Variants in DDC observed in about 807,000 individuals in gnomAD.
DDC encodes the protein dopa decarboxylase.
Under a neutral mutation model 60.0 loss-of-function variants are expected in DDC, and 43 were observed. The observed-to-expected ratio is 0.72, with a 90% CI of 0.56 to 0.92. The LOEUF is 0.92. DDC is among the 40% of genes least tolerant of loss of function. The probability of loss-of-function intolerance (pLI) is 0.00; values close to 1 mark genes in which losing one functional copy is unlikely to be tolerated. For synonymous variants in DDC, 232 were observed against 234.6 expected, an observed-to-expected ratio of 0.99 and a Z score of 0.10; for missense variants, 573 against 620.2, an observed-to-expected ratio of 0.92 and a Z score of 0.81.
At chr7:50,559,677 C>T (rs190758601) in intron 1 of DDC, among the ~76,000 whole-genome samples, 27 of 152,364 alleles carry the variant, frequency 1.8e-4, no homozygotes, top group Middle Eastern at 3.4e-3. Context: ...ATCCACTCGC[C>T]TCAGCCTCCC....
Position 50,479,861 on chromosome 7 carries a change from A to T in DDC, c.947T>A (p.Val316Glu), listed in dbSNP as rs188088947. 1 of 1,612,820 alleles carries T rather than the reference A, an allele frequency of 6.2e-7. No individual in the cohort carries two copies. Among genetic ancestry groups the T allele is most frequent in the Non-Finnish European group, 8.5e-7 (1 of 1,179,528 alleles). The change falls in exon 10 of 15, where the codon GTG (valine) becomes GAG (glutamate). Residue 316 changes from valine to glutamate, a missense_variant and splice_region_variant. Transcript: ENST00000444124. Reference sequence around the variant, plus strand: ...TCCCGTTAAGTCTGTTCTCTTTTTCACCCTGGTTTTAGAGAACAAATGAAA... The same window carrying T: ...TCCCGTTAAGTCTGTTCTCTTTTTCTCCCTGGTTTTAGAGAACAAATGAAA... ...LVNFDCSAMW[V>E]KKRTDLTGAF...
intron 6 of DDC, among the ~76,000 whole-genome samples, chr7:50,506,785 C>T (rs17553791): frequency 0.085 from 12,906 of 152,344 alleles, 728 homozygotes; most frequent in Non-Finnish European, 0.12. Context: ...CCTGCCCGGT[C>T]TATCAGGTGC....
intron 2 of DDC, among the ~76,000 whole-genome samples, chr7:50,540,820 C>T (rs1450221854): frequency 6.6e-6 from 1 of 152,170 alleles, no homozygotes; most frequent in Non-Finnish European, 1.5e-5. Flanking sequence ...AGGTGGTATA[C>T]TTGGGGACAG....
rs1472308655 is a variant in DDC at position 50,562,965 on chromosome 7, G to A, written c.-29+2320C>T. 4.6e-5 allele frequency among the ~76,000 whole-genome samples: 7 copies of A among 152,090 alleles called. No homozygotes were observed. The East Asian group carries it at 9.6e-4, about 21-fold the overall frequency. On this transcript the variant is annotated intron_variant, in intron 1 of 14. Transcript: ENST00000444124. ...GCACATCACCTGAGGTCAGGAGTTC[G>A]AGACCACCCTGGCCAGCATGATGAA...
intron 1 of DDC, among the ~76,000 whole-genome samples, chr7:50,560,626 G>A (rs2045322032): frequency 6.6e-6 from 1 of 152,104 alleles, no homozygotes; most frequent in Non-Finnish European, 1.5e-5. Flanking sequence ...CACCCATCGT[G>A]TGGCCTCCAC....
intron 4 of DDC, 152 bp from the exon 5 acceptor site, chr7:50,529,494 T>A: frequency 1.1e-6 from 1 of 926,182 alleles, no homozygotes; most frequent in Non-Finnish European, 1.7e-6. Context: ...AGGAGAAAAC[T>A]AATATTTTTG....
chr7:50,539,993 G>A lies in DDC; in HGVS notation c.237C>T (p.Tyr79=). 1 of 1,614,064 alleles carries A rather than the reference G, an allele frequency of 6.2e-7. No homozygotes were observed. Among genetic ancestry groups the A allele is most frequent in the Non-Finnish European group, 8.5e-7 (1 of 1,179,970 alleles). ...THWHSPYFFA[Y]FPTASSYPAM... is the part of the protein sequence containing the mutation. ...CCGGGTACGAGCTGGCAGTGGGGAA[G>A]TAGGCGAAGAAGTAGGGGCTGTGCC... is the stretch of plus-strand genomic sequence containing the variant. The change falls in exon 3 of 15, where the codon TAC becomes TAT. Residue 79 remains tyrosine (Y), a synonymous_variant. Transcript: ENST00000444124.
In DDC at chr7:50,485,136, A is replaced by G. The variant is rs73351241; in HGVS notation, c.945-5273T>C. Reference sequence around the variant, plus strand: ...TTGTGGCAAAATTTAACATTTTGGGAAAAAAAAACAGGCCATCTTTTAAAT... The same window carrying G: ...TTGTGGCAAAATTTAACATTTTGGGGAAAAAAAACAGGCCATCTTTTAAAT... On this transcript the variant is annotated intron_variant, in intron 9 of 14. Coordinates refer to ENST00000444124, the MANE Select transcript of DDC (RefSeq NM_001082971.2). Among the ~76,000 whole-genome samples the G allele has an allele frequency of 8.6e-3, 1,287 of 149,780 alleles. 24 individuals are homozygous for G. The highest frequency in any genetic ancestry group is 0.031 in the African/African-American group (1,233 of 39,944).
chr7:50,512,129 C>A (rs982799440), intron 6 of DDC, among the ~76,000 whole-genome samples: 3 of 152,100 alleles, frequency 2.0e-5, no homozygotes, highest in African/African-American at 7.2e-5. Context: ...CAAGACCCAA[C>A]TATATTTTCT....
intron 1 of DDC, among the ~76,000 whole-genome samples, chr7:50,560,178 A>G (rs1027233600): frequency 3.2e-4 from 49 of 152,280 alleles, no homozygotes; most frequent in Admixed American, 2.2e-3. Flanking sequence ...TGACAAACCA[A>G]CAGAGGACCA....
At chr7:50,563,884 G>A (rs996992379) in intron 1 of DDC, 1 of 152,326 alleles carries the variant, frequency 6.6e-6, no homozygotes, top group African/African-American at 2.4e-5. Flanking sequence ...TTACAGGCGT[G>A]AGCCACAGCA....
At chr7:50,462,873 G>A (rs912969344) in intron 14 of DDC, among the ~76,000 whole-genome samples, 7 of 149,454 alleles carry the variant, frequency 4.7e-5, no homozygotes, top group East Asian at 4.0e-4. Context: ...AGGTTCATGC[G>A]ATTCTCCTGC....
intron 11 of DDC, among the ~76,000 whole-genome samples, chr7:50,470,485 C>T (rs577103665): frequency 6.6e-5 from 10 of 152,344 alleles, no homozygotes; most frequent in Admixed American, 2.0e-4. Context: ...CCTAGGGTTC[C>T]GTGGTGAGCA....
At chr7:50,536,284 C>A (rs1295005244) in intron 4 of DDC, among the ~76,000 whole-genome samples, 2 of 152,228 alleles carry the variant, frequency 1.3e-5, no homozygotes, top group African/African-American at 4.8e-5. Context: ...ATTGTCCCAC[C>A]TTTCCAGACC....
rs1218597830 is a variant in DDC at position 50,560,123 on chromosome 7, G to A, written c.-29+5162C>T. ...TGGGGTCACCGCACGCTGCCAGCAG[G>A]ACTCCGGTGCCCCCAGCAAAAGGAG... On this transcript the variant is annotated intron_variant, in intron 1 of 14. Coordinates refer to ENST00000444124, the MANE Select transcript of DDC (RefSeq NM_001082971.2). 2.6e-5 allele frequency among the ~76,000 whole-genome samples: 4 copies of A among 152,158 alleles called. No individual in the cohort carries two copies. The South Asian group carries it at 6.2e-4, about 24-fold the overall frequency.
intron 8 of DDC, among the ~76,000 whole-genome samples, chr7:50,497,957 A>C (rs2043162056): frequency 6.6e-6 from 1 of 152,188 alleles, no homozygotes; most frequent in African/African-American, 2.4e-5. Flanking sequence ...GAGAATTCAA[A>C]GTTGTAATTA....
intron 6 of DDC, among the ~76,000 whole-genome samples, chr7:50,506,559 C>T (rs546716863): frequency 1.8e-4 from 27 of 152,228 alleles, no homozygotes; most frequent in African/African-American, 6.5e-4. Context: ...CTAGGAAACC[C>T]CTCTCCCTGA....
intron 4 of DDC, among the ~76,000 whole-genome samples, chr7:50,531,096 C>A (rs2044191537): frequency 6.6e-6 from 1 of 152,118 alleles, no homozygotes; most frequent in Non-Finnish European, 1.5e-5. Context: ...AAAATGGGTA[C>A]TTTATTTCCT....
At chr7:50,464,652 G>A (rs2153533248) in intron 13 of DDC, among the ~76,000 whole-genome samples, 1 of 152,304 alleles carries the variant, frequency 6.6e-6, no homozygotes, top group South Asian at 2.1e-4. Context: ...ATGAAGTAGA[G>A]GCAAGAAGCC....
Sources: gnomAD v4.1 joint callset for allele counts (sites outside exome capture counted in the v4.1 genomes callset) on GRCh38, gnomAD v4.1.1 for gene constraint, MANE v1.5 for transcripts, NCBI Gene and HGNC (gene_info 2026-07-23, HGNC 2026-07-21) for gene names.